The following TTC39A variants were observed in gnomAD, a reference collection of about 807,000 sequenced individuals.
The protein encoded by TTC39A is tetratricopeptide repeat domain 39A.
Under a neutral mutation model 82.3 loss-of-function variants are expected in TTC39A, and 46 were observed. The observed-to-expected ratio is 0.56, with a 90% confidence interval of 0.44 to 0.71. The LOEUF (loss-of-function observed/expected upper bound fraction) is 0.71, where lower values mean the gene tolerates loss of function less well. TTC39A is among the 30% of genes least tolerant of loss of function. The probability of loss-of-function intolerance (pLI) is 0.00; values close to 1 mark genes in which losing one functional copy is unlikely to be tolerated. For missense variants in TTC39A, 543 were observed against 712.9 expected, an observed-to-expected ratio of 0.76 and a Z score of 2.71; for synonymous variants, 254 against 275.2, an observed-to-expected ratio of 0.92 and a Z score of 0.76.
upstream of TTC39A, chr1:51,331,115 G>T: frequency 7.6e-7 from 1 of 1,312,186 alleles, no homozygotes; most frequent in Non-Finnish European, 1.1e-6. Flanking sequence ...TGGGGAAACT[G>T]AGGCATGGGG....
In TTC39A at chr1:51,306,025, G is replaced by A. The variant is rs774799461; in HGVS notation, c.540C>T (p.His180=). Residue 180 remains histidine, a synonymous_variant, in exon 7 of 18, where the codon CAC becomes CAT. Transcript: ENST00000680483. The stretch of plus-strand genomic sequence containing the variant: ...GCTTCACTCCTCCTTCAAAGTGCGG[G>A]TGGTTCTCACCCTTGCAGTATTGTG... The part of the protein sequence containing the change: ...QSSQYCKGEN[H]PHFEGGVKLG... 3.1e-6 allele frequency: 5 copies of A among 1,613,888 alleles called. No individual in the cohort carries two copies. In the Admixed American group the frequency reaches 8.3e-5, roughly 27 times the overall value.
intron 2 of TTC39A, among the ~76,000 whole-genome samples, chr1:51,317,727 G>A (rs1267708139): frequency 1.3e-5 from 2 of 152,206 alleles, no homozygotes; most frequent in African/African-American, 4.8e-5. Context: ...TCCAGCCTGA[G>A]CGACAGAGCA....
intron 13 of TTC39A, 104 bp downstream of exon 13, chr1:51,295,975 C>T: frequency 7.5e-7 from 1 of 1,332,720 alleles, no homozygotes; most frequent in Non-Finnish European, 1.1e-6. Flanking sequence ...CACCCTACTC[C>T]TCCCTCCCCA....
chr1:51,331,022 G>T (rs1645898434), upstream of TTC39A: 2 of 749,748 alleles, frequency 2.7e-6, no homozygotes. Flanking sequence ...CCAGAAGGCG[G>T]GGAAAACACG....
chr1:51,330,486 G>A lies in TTC39A; in HGVS notation c.-9C>T, dbSNP rs1645873420. ...CCGCCAGCCGAGGTCATCGCCGAGG[G>A]GCGCGGGCGGCGCTGCCCCAGCCGG... On this transcript the variant is annotated 5_prime_UTR_variant, in exon 1 of 18. Coordinates refer to ENST00000680483, the MANE Select transcript of TTC39A (RefSeq NM_001297663.2). The surrounding 1 kb of genome is among the most constrained non-coding windows in gnomAD (Gnocchi z 4.5). 1.0e-5 allele frequency: 10 copies of A among 983,656 alleles called. No homozygotes were observed. In the Admixed American group the frequency reaches 1.9e-4, roughly 19 times the overall value. 60.9% of individuals were successfully genotyped at this position (983,656 alleles called of 1,614,324 possible).
rs1249909613 is a variant in TTC39A, at chr1:51,294,638, G to A, written c.1146-127C>T. 5.0e-6 allele frequency: 7 copies of A among 1,397,726 alleles called. No individual in the cohort carries two copies. The highest frequency in any genetic ancestry group is 6.8e-6 in the Non-Finnish European group (7 of 1,032,030). 86.6% of individuals were successfully genotyped at this position (1,397,726 alleles called of 1,614,324 possible). A position where few individuals can be genotyped will look rare whatever the true frequency, so the allele number is the denominator to read the frequency against. On this transcript the variant is annotated intron_variant, in intron 13 of 17. Coordinates refer to ENST00000680483, the MANE Select transcript of TTC39A (RefSeq NM_001297663.2). The surrounding 1 kb of genome is among the most constrained non-coding windows in gnomAD (Gnocchi z 4.3). ...GTTTCCCCATCTGCACAATGACAGTGTTAGACTCTAAAGAGCCTTCTAGGT... is the reference window on the plus strand; with the variant it reads ...GTTTCCCCATCTGCACAATGACAGTATTAGACTCTAAAGAGCCTTCTAGGT...
chr1:51,336,011 C>G (rs1394446651), upstream of TTC39A, among the ~76,000 whole-genome samples: 1 of 151,966 alleles, frequency 6.6e-6, no homozygotes, highest in Non-Finnish European at 1.5e-5. Flanking sequence ...CAGGCCTTTC[C>G]CTGGCATGAA....
intron 2 of TTC39A, among the ~76,000 whole-genome samples, chr1:51,315,269 C>T (rs1430587311): frequency 1.3e-5 from 2 of 152,166 alleles, no homozygotes; most frequent in Admixed American, 6.5e-5. Flanking sequence ...CCCAGCCTAC[C>T]TCCTGGAAGC....
At chr1:51,296,436 C>T (rs1431143916) in intron 12 of TTC39A, among the ~76,000 whole-genome samples, 1 of 152,244 alleles carries the variant, frequency 6.6e-6, no homozygotes, top group Non-Finnish European at 1.5e-5. Flanking sequence ...ACTGGGGCTG[C>T]GGCAGAGACA....
chr1:51,311,396 C>T, intron 4 of TTC39A, 75 bp from the exon 5 acceptor site: 1 of 1,377,090 alleles, frequency 7.3e-7, no homozygotes, highest in African/African-American at 1.4e-5. Context: ...CCTCACACCC[C>T]AACTTCCCCA....
chr1:51,308,113 T>C (rs1186955035), intron 6 of TTC39A, among the ~76,000 whole-genome samples: 1 of 152,224 alleles, frequency 6.6e-6, no homozygotes, highest in Non-Finnish European at 1.5e-5. Context: ...TGTAAATTTA[T>C]CATCACCAGC....
In TTC39A at chr1:51,321,964, CT is replaced by C. The variant is rs1645540513; in HGVS notation, c.42-140del. ...TGTCACGAGCTCCTCCAGGCTGCCA[CT>C]CTGTACTGGGACGCAGGGACAATTT... On this transcript the variant is annotated intron_variant, in intron 1 of 17. Coordinates refer to ENST00000680483, the MANE Select transcript of TTC39A (RefSeq NM_001297663.2). The surrounding 1 kb of genome is among the most constrained non-coding windows in gnomAD (Gnocchi z 4.6). The C allele has an allele frequency of 7.5e-7, 1 of 1,336,602 alleles. No individual in the cohort carries two copies. Among genetic ancestry groups the C allele is most frequent in the South Asian group, 1.4e-5 (1 of 72,748 alleles). 82.8% of individuals were successfully genotyped at this position (1,336,602 alleles called of 1,614,324 possible).
intron 1 of TTC39A, chr1:51,344,899 C>A: frequency 6.9e-7 from 1 of 1,449,170 alleles, no homozygotes; most frequent in Non-Finnish European, 9.3e-7. Flanking sequence ...CCAGCTGTGC[C>A]TCTCAGCTGT....
At chr1:51,330,844 A>G (rs1177024274), upstream of TTC39A, 2 of 519,972 alleles carry the variant, frequency 3.8e-6, no homozygotes, top group Non-Finnish European at 6.9e-6. The surrounding 1 kb of genome is among the most constrained non-coding windows in gnomAD (Gnocchi z 4.5). Context: ...CCTGAGGTCC[A>G]CTTTACTGTC....
rs1375884409 is a variant in TTC39A, at chr1:51,321,994, C to A, written c.42-169G>T. The A allele has an allele frequency of 1.1e-5, 15 of 1,401,422 alleles. No individual in the cohort carries two copies. The highest frequency in any genetic ancestry group is 3.9e-6 in the Non-Finnish European group (4 of 1,028,968). 86.8% of individuals were successfully genotyped at this position (1,401,422 alleles called of 1,614,324 possible). A position where few individuals can be genotyped will look rare whatever the true frequency, so the allele number is the denominator to read the frequency against. On this transcript the variant is annotated intron_variant, in intron 1 of 17. Transcript: ENST00000680483. The surrounding 1 kb of genome is among the most constrained non-coding windows in gnomAD (Gnocchi z 4.6). ...TACTGGGACGCAGGGACAATTTGGA[C>A]CCACCTCTTGGTGTTCCCAAGGGTG...
intron 1 of TTC39A, among the ~76,000 whole-genome samples, chr1:51,340,928 T>C (rs1272309793): frequency 1.3e-5 from 2 of 152,070 alleles, no homozygotes; most frequent in Non-Finnish European, 2.9e-5. Context: ...TCCCAACACT[T>C]TGGGAGGCCG....
At position 51,288,440 on chromosome 1, in the gene TTC39A, A is replaced by AGAT. The variant is rs1172492515; in HGVS notation, c.1611-161_1611-160insATC. 6.6e-6 allele frequency among the ~76,000 whole-genome samples: 1 copy of AGAT among 152,088 alleles called. No homozygotes were observed. The highest frequency in any genetic ancestry group is 2.4e-5 in the African/African-American group (1 of 41,406). On this transcript the variant is annotated intron_variant, in intron 17 of 17. Coordinates refer to ENST00000680483, the MANE Select transcript of TTC39A (RefSeq NM_001297663.2). This position sits in a 1 kb window ranked among gnomAD's most constrained non-coding sequence, Gnocchi z 4.8. ...CCTACCCAATGGGAGAGTTAACCAG[A>AGAT]AGGGTTTGTGGCCCCTCATCCCTGG...
In TTC39A at chr1:51,322,286, C is replaced by T. The variant is rs1295040477; in HGVS notation, c.42-461G>A. On this transcript the variant is annotated intron_variant, in intron 1 of 17. Coordinates refer to ENST00000680483, the MANE Select transcript of TTC39A (RefSeq NM_001297663.2). ...TGGACTCTAGAATCCCTGACGTTGT[C>T]ACAATGGGCTGTCACACTATGGGTC... 4.9e-6 allele frequency: 7 copies of T among 1,434,740 alleles called. No homozygotes were observed. In the African/African-American group the frequency reaches 1.0e-4, roughly 21 times the overall value. The allele number at this position is 1,434,740 out of a possible 1,614,324, so 88.9% of individuals were successfully genotyped here.
At chr1:51,312,717 C>G in intron 3 of TTC39A, 95 bp downstream of exon 3, 1 of 1,511,600 alleles carries the variant, frequency 6.6e-7, no homozygotes, top group Middle Eastern at 2.4e-4. Context: ...CCAAAAGCAG[C>G]AGTGCGAATA....
Sources: gnomAD v4.1 joint callset for allele counts (sites outside exome capture counted in the v4.1 genomes callset) on GRCh38, gnomAD v4.1.1 for gene constraint, Gnocchi (gnomAD v3.1) non-coding constraint, MANE v1.5 for transcripts, NCBI Gene and HGNC (gene_info 2026-07-23, HGNC 2026-07-21) for gene names.